The following PALS2 variants were observed in gnomAD, a reference collection of about 807,000 sequenced individuals.
PALS2 encodes the protein protein associated with LIN7 2, MAGUK p55 family member.
PALS2 carries 27 observed loss-of-function variants against 61.6 expected under a neutral mutation model. That is an observed-to-expected ratio of 0.44 (90% CI 0.32 to 0.60). PALS2 has a LOEUF of 0.60. PALS2 is among the 20% of genes least tolerant of loss of function. The pLI, the probability that PALS2 is intolerant of heterozygous loss-of-function variation, is 0.05. For synonymous variants in PALS2, 236 were observed against 218.6 expected (o/e 1.08, Z -0.70); for missense variants, 554 against 639.4 (o/e 0.87, Z 1.44).
chr7:24,657,490 T>C (rs1342672040), intron 5 of PALS2, among the ~76,000 whole-genome samples: 3 of 152,244 alleles, frequency 2.0e-5, no homozygotes, highest in African/African-American at 7.2e-5. Flanking sequence ...TTTATGTGTT[T>C]ATTTGCCATA....
intron 1 of PALS2, among the ~76,000 whole-genome samples, chr7:24,619,631 T>C (rs6960777): frequency 0.08 from 11,655 of 146,594 alleles, 1,155 homozygotes; most frequent in African/African-American, 0.23. Flanking sequence ...GGCAGGAGAA[T>C]GGCGTGAACC....
chr7:24,679,076 A>AT, intron 9 of PALS2, 55 bp from the exon 10 acceptor site: 3 of 1,540,916 alleles, frequency 1.9e-6, no homozygotes, highest in Non-Finnish European at 2.7e-6. Context: ...ATTTTAGTCT[A>AT]TTTTTTATGC....
chr7:24,605,562 C>T (rs1034689671), intron 1 of PALS2, among the ~76,000 whole-genome samples: 2 of 151,636 alleles, frequency 1.3e-5, no homozygotes, highest in African/African-American at 4.8e-5. Flanking sequence ...TCTACAGATA[C>T]AAATATGTAA....
At chr7:24,643,994 G>A (rs1283170348) in intron 3 of PALS2, among the ~76,000 whole-genome samples, 1 of 151,068 alleles carries the variant, frequency 6.6e-6, no homozygotes, top group East Asian at 1.9e-4. Flanking sequence ...AATCAATTGT[G>A]TTTTTATCTT....
chr7:24,592,553 C>T (rs1783329500), intron 1 of PALS2, among the ~76,000 whole-genome samples: 1 of 152,016 alleles, frequency 6.6e-6, no homozygotes, highest in Non-Finnish European at 1.5e-5. Context: ...GGAAAGCTCA[C>T]ACTGCTTTGG....
In PALS2 at chr7:24,687,674, CCTT is replaced by C. The variant is rs1788279216; in HGVS notation, c.*63_*65del. On this transcript the variant is annotated 3_prime_UTR_variant, in exon 12 of 12. Transcript: ENST00000222644. The surrounding 1 kb of genome is among the most constrained non-coding windows in gnomAD (Gnocchi z 4.5). Reference sequence around the variant, plus strand: ...TTAAAAAGTGACTGCAACAAATAAACCTTCTACTGAGAAAATACATCACAGATA... The same window carrying C: ...TTAAAAAGTGACTGCAACAAATAAACCTACTGAGAAAATACATCACAGATA... The C allele has an allele frequency of 1.4e-6, 2 of 1,466,330 alleles. No homozygotes were observed. Among genetic ancestry groups the C allele is most frequent in the Non-Finnish European group, 1.8e-6 (2 of 1,090,826 alleles). 90.8% of individuals were successfully genotyped at this position (1,466,330 alleles called of 1,614,324 possible).
intron 1 of PALS2, among the ~76,000 whole-genome samples, chr7:24,610,606 T>G (rs1476896083): frequency 6.6e-6 from 1 of 152,178 alleles, no homozygotes; most frequent in Non-Finnish European, 1.5e-5. Context: ...AGAAAATTAT[T>G]TTTATTGATT....
chr7:24,627,998 C>T (rs1022623275), intron 2 of PALS2, among the ~76,000 whole-genome samples: 3 of 152,162 alleles, frequency 2.0e-5, no homozygotes, highest in Non-Finnish European at 4.4e-5. Context: ...AAAAGAGAGA[C>T]TCCTCCCTAA....
intron 3 of PALS2, among the ~76,000 whole-genome samples, chr7:24,648,938 C>T (rs949553401): frequency 6.7e-6 from 1 of 150,328 alleles, no homozygotes; most frequent in East Asian, 2.0e-4. Flanking sequence ...TCCTAGAAAG[C>T]TAGATCAAAA....
intron 5 of PALS2, among the ~76,000 whole-genome samples, chr7:24,653,270 T>G (rs1212640458): frequency 6.6e-6 from 1 of 152,094 alleles, no homozygotes; most frequent in Non-Finnish European, 1.5e-5. Context: ...TCCATATGTA[T>G]GTAACTAAGC....
chr7:24,595,000 A>G (rs1783444885), intron 1 of PALS2, among the ~76,000 whole-genome samples: 2 of 152,130 alleles, frequency 1.3e-5, no homozygotes, highest in African/African-American at 4.8e-5. Flanking sequence ...AATTTTTTTA[A>G]AAACAGTATC....
chr7:24,634,036 T>G (rs1356877513), intron 2 of PALS2, among the ~76,000 whole-genome samples: 1 of 152,218 alleles, frequency 6.6e-6, no homozygotes, highest in African/African-American at 2.4e-5. Flanking sequence ...TGGAGAAATA[T>G]CTGTTTAGAT....
chr7:24,623,765 T>G lies in PALS2; in HGVS notation c.98T>G (p.Ile33Ser). 6.3e-7 allele frequency: 1 copy of G among 1,578,502 alleles called. No individual in the cohort carries two copies. Among genetic ancestry groups the G allele is most frequent in the South Asian group, 1.1e-5 (1 of 87,908 alleles). Residue 33 changes from isoleucine (I) to serine (S), a missense_variant, in exon 2 of 12, where the codon ATT (isoleucine) becomes AGT (serine). Physicochemically the swap from Ile to Ser is moderately radical, Grantham distance 142. Coordinates refer to ENST00000222644, the MANE Select transcript of PALS2 (RefSeq NM_001303037.2). ...IFLKGIMENPIVKSLAKAHER... is the reference protein window; with the variant it reads ...IFLKGIMENPSVKSLAKAHER... The stretch of plus-strand genomic sequence containing the variant: ...CTCAAGGGAATTATGGAGAATCCTA[T>G]TGTAAAATCACTTGCTAAGGTATAT...
chr7:24,600,529 A>C (rs138708681), intron 1 of PALS2, among the ~76,000 whole-genome samples: 9 of 152,298 alleles, frequency 5.9e-5, no homozygotes, highest in African/African-American at 1.7e-4. Context: ...TTTGAGCCCC[A>C]GTTTCTTATG....
In PALS2 at chr7:24,668,671, T is replaced by A; in HGVS notation, c.1114+11T>A. 6.2e-7 allele frequency: 1 copy of A among 1,613,262 alleles called. No individual in the cohort carries two copies. The highest frequency in any genetic ancestry group is 8.5e-7 in the Non-Finnish European group (1 of 1,179,618). ...GAACTACGGTGCCATGTAAGTTTTC[T>A]GTGTTTTCCTTGCTATGCAATTGGC... is the stretch of plus-strand genomic sequence containing the variant. On this transcript the variant is annotated intron_variant, in intron 9 of 11. Coordinates refer to ENST00000222644, the MANE Select transcript of PALS2 (RefSeq NM_001303037.2).
At chr7:24,606,040 T>C (rs1783886972) in intron 1 of PALS2, among the ~76,000 whole-genome samples, 2 of 152,268 alleles carry the variant, frequency 1.3e-5, no homozygotes, top group Non-Finnish European at 2.9e-5. Flanking sequence ...TCCCATGACT[T>C]ATATGTTAGT....
chr7:24,685,608 T>C (rs1287295054), intron 11 of PALS2, among the ~76,000 whole-genome samples: 1 of 151,936 alleles, frequency 6.6e-6, no homozygotes, highest in Non-Finnish European at 1.5e-5. Context: ...TCTTTATTCC[T>C]GTTCCATCTG....
chr7:24,630,796 G>C (rs919482094), intron 2 of PALS2, among the ~76,000 whole-genome samples: 1 of 152,138 alleles, frequency 6.6e-6, no homozygotes, highest in African/African-American at 2.4e-5. Flanking sequence ...CCTCTAACTG[G>C]AACAACAAAA....
chr7:24,680,444 C>T lies in PALS2; in HGVS notation c.1370C>T (p.Ala457Val), dbSNP rs200954257. 7.4e-6 allele frequency: 12 copies of T among 1,613,546 alleles called. No individual in the cohort carries two copies. In the East Asian group the frequency reaches 1.1e-4, roughly 15 times the overall value. ...TTTATGCCCTATGTGGTATTTATTG[C>T]GGCTCCGGAGCTAGAGACGTTACGT... ...SEFMPYVVFI[A>V]APELETLRAM... The change falls in exon 11 of 12, where the codon GCG (alanine) becomes GTG (valine). Residue 457 changes from alanine (A) to valine (V), a missense_variant. By Grantham distance (64) the Ala-to-Val change is moderately conservative (BLOSUM62 0). Transcript: ENST00000222644.
Sources: allele counts gnomAD v4.1 joint callset (sites outside exome capture counted in the v4.1 genomes callset), GRCh38; gene constraint gnomAD v4.1.1; non-coding constraint Gnocchi (gnomAD v3.1); transcripts MANE v1.5; gene names NCBI Gene and HGNC (gene_info 2026-07-23, HGNC 2026-07-21).